GET3: variants seen among roughly 807,000 people sequenced by gnomAD.
GET3 encodes the protein ATPase GET3.
GET3 carries 15 observed loss-of-function variants against 32.4 expected under a neutral mutation model. The ratio of observed to expected loss-of-function variants is 0.46; its 90% confidence interval spans 0.31 to 0.71. The LOEUF (loss-of-function observed/expected upper bound fraction) is 0.71. Among genes scored for constraint, GET3 ranks in the 30% least tolerant of loss-of-function variants. The probability of loss-of-function intolerance (pLI) is 0.05; values close to 1 mark genes in which losing one functional copy is unlikely to be tolerated. For synonymous variants in GET3, 198 were observed against 185.6 expected (o/e 1.07, Z -0.54); for missense variants, 333 against 459.0 (o/e 0.73, Z 2.51).
chr19:12,741,058 T>G (rs762954895), intron 2 of GET3, among the ~76,000 whole-genome samples: 1 of 151,978 alleles, frequency 6.6e-6, no homozygotes, highest in African/African-American at 2.4e-5. Context: ...GCGTGGTGGC[T>G]CATGCCTGTA....
At chr19:12,744,354 C>CT (rs1568349203) in intron 2 of GET3, among the ~76,000 whole-genome samples, 1 of 151,988 alleles carries the variant, frequency 6.6e-6, no homozygotes, top group Non-Finnish European at 1.5e-5. Flanking sequence ...GAGTCTCCCT[C>CT]TGTCACCCAG....
chr19:12,746,638 A>G (rs1051701637), intron 4 of GET3, among the ~76,000 whole-genome samples: 4 of 152,212 alleles, frequency 2.6e-5, no homozygotes, highest in African/African-American at 9.7e-5. Context: ...GGTACAACAG[A>G]TCTGGGAGGT....
At chr19:12,739,137 C>G (rs1356177748) in intron 2 of GET3, among the ~76,000 whole-genome samples, 3 of 150,732 alleles carry the variant, frequency 2.0e-5, no homozygotes, top group Non-Finnish European at 2.9e-5. Flanking sequence ...CTGGTGGAGG[C>G]AGAATGTTGG....
chr19:12,741,129 C>T (rs1290358666), intron 2 of GET3, among the ~76,000 whole-genome samples: 3 of 151,864 alleles, frequency 2.0e-5, no homozygotes, highest in Non-Finnish European at 4.4e-5. Flanking sequence ...AAAGACCAGC[C>T]TAGCCAAGAT....
rs1410258899 is a variant in GET3 at position 12,748,109 on chromosome 19, G to A, written c.*5G>A. The A allele has an allele frequency of 3.8e-6, 6 of 1,579,260 alleles. No individual in the cohort carries two copies. The Admixed American group carries it at 5.2e-5, about 14-fold the overall frequency. On this transcript the variant is annotated 3_prime_UTR_variant, in exon 7 of 7. Transcript: ENST00000357332. The stretch of plus-strand genomic sequence containing the variant: ...AAGCCCCCCAGTGCCCAGTAGCACA[G>A]CTGCCAGCCCCAACCGCTGCCATTT...
intron 2 of GET3, among the ~76,000 whole-genome samples, chr19:12,740,962 T>G (rs1967656628): frequency 6.6e-6 from 1 of 152,172 alleles, no homozygotes; most frequent in Admixed American, 6.5e-5. Context: ...CATAAACACT[T>G]ATTAAGGTAG....
At chr19:12,743,722 C>CTTTTTTTTTTTTTTTTTTTTT (rs776785337) in intron 2 of GET3, among the ~76,000 whole-genome samples, 1 of 70,406 alleles carries the variant, frequency 1.4e-5, no homozygotes, top group Non-Finnish European at 2.4e-5. Flanking sequence ...GACTCCATCT[C>CTTTTTTTTTTTTTTTTTTTTT]TTTTTTTTTT....
chr19:12,739,519 T>A (rs925820656), intron 2 of GET3, among the ~76,000 whole-genome samples: 4 of 152,172 alleles, frequency 2.6e-5, no homozygotes, highest in Non-Finnish European at 4.4e-5. Context: ...GAAAAAGAAA[T>A]GAATTGATTA....
intron 4 of GET3, among the ~76,000 whole-genome samples, chr19:12,746,586 G>C (rs1967775664): frequency 6.6e-6 from 1 of 152,230 alleles, no homozygotes; most frequent in Non-Finnish European, 1.5e-5. Flanking sequence ...CTTACTGTGT[G>C]CCAGACACTA....
intron 1 of GET3, 79 bp from the exon 2 acceptor site, chr19:12,738,432 A>G (rs965445072): frequency 6.4e-7 from 1 of 1,566,950 alleles, no homozygotes; most frequent in African/African-American, 1.4e-5. Flanking sequence ...TGCTCCAGGG[A>G]ACCTACCACT....
chr19:12,737,726 G>A (rs1967600327), intron 1 of GET3, 60 bp downstream of exon 1: 4 of 1,526,384 alleles, frequency 2.6e-6, no homozygotes, highest in Admixed American at 2.3e-5. Flanking sequence ...GCGAAGGGGA[G>A]GCCAAGGACC....
rs1417038332 is a variant in GET3 at position 12,738,739 on chromosome 19, G to A, written c.309+81G>A. On this transcript the variant is annotated intron_variant, in intron 2 of 6. Transcript: ENST00000357332. ...TTGTGCGCACACACCAGCAGCCACCGTGTCCTATCCACTCTATATCCTGTG... is the reference window on the plus strand; with the variant it reads ...TTGTGCGCACACACCAGCAGCCACCATGTCCTATCCACTCTATATCCTGTG... 1.4e-5 allele frequency: 21 copies of A among 1,552,086 alleles called. No individual in the cohort carries two copies. In the South Asian group the frequency reaches 2.3e-4, roughly 17 times the overall value.
chr19:12,739,032 C>G (rs1481735420), intron 2 of GET3, among the ~76,000 whole-genome samples: 3 of 151,806 alleles, frequency 2.0e-5, no homozygotes, highest in African/African-American at 7.3e-5. Flanking sequence ...CTTTGACGGC[C>G]AGGTGGAGAT....
intron 2 of GET3, among the ~76,000 whole-genome samples, chr19:12,744,697 A>G (rs1056476891): frequency 6.6e-6 from 1 of 152,230 alleles, no homozygotes; most frequent in Non-Finnish European, 1.5e-5. Context: ...AGTGAACTAG[A>G]TGGTAAAACC....
chr19:12,738,174 C>T (rs942351002), intron 1 of GET3, among the ~76,000 whole-genome samples: 9 of 152,154 alleles, frequency 5.9e-5, no homozygotes, highest in African/African-American at 2.2e-4. Context: ...TGCAGGAGAC[C>T]CCTTAGCTTA....
chr19:12,746,165 C>G (rs1327526361), intron 4 of GET3, among the ~76,000 whole-genome samples: 1 of 152,196 alleles, frequency 6.6e-6, no homozygotes, highest in African/African-American at 2.4e-5. Flanking sequence ...CGGAGTCTCG[C>G]TCTGTCACCC....
chr19:12,746,501 C>G (rs913175139), intron 4 of GET3, among the ~76,000 whole-genome samples: 2 of 152,202 alleles, frequency 1.3e-5, no homozygotes, highest in Non-Finnish European at 2.9e-5. Flanking sequence ...GCACCACCCA[C>G]CATGGTGTAT....
In GET3 at chr19:12,747,728, A is replaced by T. The variant is rs1967800817; in HGVS notation, c.915+136A>T. The T allele has an allele frequency of 2.4e-6, 3 of 1,249,536 alleles. No individual in the cohort carries two copies. Among genetic ancestry groups the T allele is most frequent in the South Asian group, 1.4e-5 (1 of 70,328 alleles). The allele number at this position is 1,249,536 out of a possible 1,614,324, so 77.4% of individuals were successfully genotyped here. A position where few individuals can be genotyped will look rare whatever the true frequency, so the allele number is the denominator to read the frequency against. On this transcript the variant is annotated intron_variant, in intron 6 of 6. Transcript: ENST00000357332. The surrounding 1 kb of genome is among the most constrained non-coding windows in gnomAD (Gnocchi z 4.0). ...CCCACATTTCAGATCCTTCACCCTTATTCCGGCCATAGAGGACTGTGGCTG... is the reference window on the plus strand; with the variant it reads ...CCCACATTTCAGATCCTTCACCCTTTTTCCGGCCATAGAGGACTGTGGCTG...
In GET3 at chr19:12,748,165, CGG is replaced by C. The variant is rs1967811250; in HGVS notation, c.*64_*65del. ...TCACCCTCCACCCTCCCCACCCCCT[CGG>C]GGCAGAGTTTGCACAAAGTCCCCCC... On this transcript the variant is annotated 3_prime_UTR_variant, in exon 7 of 7. Coordinates refer to ENST00000357332, the MANE Select transcript of GET3 (RefSeq NM_004317.4). 2 of 1,484,606 alleles carry C rather than the reference CGG, an allele frequency of 1.3e-6. No individual in the cohort carries two copies. Among genetic ancestry groups the C allele is most frequent in the Non-Finnish European group, 1.8e-6 (2 of 1,108,792 alleles). The allele number at this position is 1,484,606 out of a possible 1,614,324, so 92.0% of individuals were successfully genotyped here. A position where few individuals can be genotyped will look rare whatever the true frequency, so the allele number is the denominator to read the frequency against.
Sources: gnomAD v4.1 joint callset for allele counts (sites outside exome capture counted in the v4.1 genomes callset) on GRCh38, gnomAD v4.1.1 for gene constraint, Gnocchi (gnomAD v3.1) non-coding constraint, MANE v1.5 for transcripts, NCBI Gene and HGNC (gene_info 2026-07-23, HGNC 2026-07-21) for gene names.